CDKN2B-AS1: variants seen among roughly 807,000 people sequenced by gnomAD.
The protein encoded by CDKN2B-AS1 is CDKN2B and CDKN2A antisense cis and trans regulatory RNA 1.
intron 1 of CDKN2B-AS1, chr9:22,046,637 A>C (rs1205368091): frequency 6.6e-6 from 1 of 152,160 alleles, no homozygotes; most frequent in Non-Finnish European, 1.5e-5. Flanking sequence ...TTCATACACT[A>C]TCCAAGGTGA....
At chr9:22,095,167 C>T (rs1825230271) in intron 4 of CDKN2B-AS1, among the ~76,000 whole-genome samples, 1 of 144,780 alleles carries the variant, frequency 6.9e-6, no homozygotes, top group Non-Finnish European at 1.5e-5. Flanking sequence ...GATTGTTCCT[C>T]TGGAAGCTTC....
chr9:22,031,921 G>A (rs961242892), intron 1 of CDKN2B-AS1, among the ~76,000 whole-genome samples: 2 of 152,186 alleles, frequency 1.3e-5, no homozygotes, highest in African/African-American at 2.4e-5. Flanking sequence ...GGACCTGAGG[G>A]CAGCCTCTGG....
chr9:22,062,998 TAG>T (rs769270060), intron 4 of CDKN2B-AS1, among the ~76,000 whole-genome samples: 9,910 of 148,158 alleles, frequency 0.067, 361 homozygotes, highest in Non-Finnish European at 0.087. Context: ...TATATATATA[TAG>T]AGAGAGAGAG....
intron 4 of CDKN2B-AS1, among the ~76,000 whole-genome samples, chr9:22,073,128 C>A (rs1824363339): frequency 6.6e-6 from 1 of 152,054 alleles, no homozygotes; most frequent in African/African-American, 2.4e-5. Flanking sequence ...GAGAATAATA[C>A]TGCCTTCATA....
At chr9:22,114,007 G>A (rs1054559147) in intron 4 of CDKN2B-AS1, among the ~76,000 whole-genome samples, 6 of 152,066 alleles carry the variant, frequency 3.9e-5, no homozygotes, top group African/African-American at 1.4e-4. Context: ...ATGAAAATAC[G>A]TCGAGTCCTT....
At position 21,999,682 on chromosome 9, in the gene CDKN2B-AS1, C is replaced by T. The variant is rs1414771062; in HGVS notation, n.29+4521C>T. Among the ~76,000 whole-genome samples, 2 of 152,030 alleles carry T rather than the reference C, an allele frequency of 1.3e-5. No individual in the cohort carries two copies. The highest frequency in any genetic ancestry group is 2.9e-5 in the Non-Finnish European group (2 of 67,966). ...CTTTATAGCAGTGTGTATTAGCAAA[C>T]AAAGTGCAAGAAAGAGAAAAATGAT... On this transcript the variant is annotated intron_variant and non_coding_transcript_variant, in intron 1 of 4. Coordinates refer to ENST00000650946, the Ensembl canonical transcript of CDKN2B-AS1. The surrounding 1 kb of genome is among the most constrained non-coding windows in gnomAD (Gnocchi z 4.7).
chr9:22,053,744 G>A (rs1412886067), intron 3 of CDKN2B-AS1, among the ~76,000 whole-genome samples: 1 of 152,094 alleles, frequency 6.6e-6, no homozygotes, highest in African/African-American at 2.4e-5. Flanking sequence ...TACTACTATG[G>A]TGCATACAAA....
intron 1 of CDKN2B-AS1, among the ~76,000 whole-genome samples, chr9:22,017,789 T>C (rs1821835751): frequency 6.8e-6 from 1 of 148,060 alleles, no homozygotes; most frequent in Admixed American, 6.7e-5. Flanking sequence ...AAGTTGAAGA[T>C]AATTTAATGG....
chr9:22,085,526 C>T (rs72652414), intron 4 of CDKN2B-AS1, among the ~76,000 whole-genome samples: 11,589 of 152,108 alleles, frequency 0.076, 1,439 homozygotes, highest in African/African-American at 0.26. Flanking sequence ...CAAGACCACC[C>T]TGGCTAACAC....
At chr9:22,104,208 C>T (rs906940658) in intron 4 of CDKN2B-AS1, among the ~76,000 whole-genome samples, 8 of 152,016 alleles carry the variant, frequency 5.3e-5, no homozygotes, top group African/African-American at 9.7e-5. Flanking sequence ...ATTGCCATAT[C>T]GTGGAGGCCA....
At chr9:22,012,041 A>G in intron 1 of CDKN2B-AS1, 1 of 567,778 alleles carries the variant, frequency 1.8e-6, no homozygotes, top group South Asian at 2.1e-5. Flanking sequence ...ACTAGTAATA[A>G]TATTTTTATA....
At chr9:22,106,994 T>G (rs1825676831) in intron 4 of CDKN2B-AS1, among the ~76,000 whole-genome samples, 1 of 152,184 alleles carries the variant, frequency 6.6e-6, no homozygotes, top group South Asian at 2.1e-4. Flanking sequence ...GAAACTGTAC[T>G]AGGATAGTCT....
chr9:22,006,317 C>A lies in CDKN2B-AS1; in HGVS notation n.29+11156C>A, dbSNP rs1485551141. ...ATGGGAGATGCCGGCCGGGGCAAGG[C>A]AGGTGGAGCCATTTAAAGAAACACC... is the stretch of plus-strand genomic sequence containing the variant. On this transcript the variant is annotated intron_variant and non_coding_transcript_variant, in intron 1 of 4. Transcript: ENST00000650946. This position sits in a 1 kb window ranked among gnomAD's most constrained non-coding sequence, Gnocchi z 6.4. 1 of 1,588,668 alleles carries A rather than the reference C, an allele frequency of 6.3e-7. No homozygotes were observed.
intron 4 of CDKN2B-AS1, among the ~76,000 whole-genome samples, chr9:22,061,708 GC>G (rs1350854504): frequency 1.3e-5 from 2 of 152,028 alleles, no homozygotes; most frequent in Non-Finnish European, 2.9e-5. Flanking sequence ...ATTTGTCCCA[GC>G]CCTTACAAGG....
chr9:22,101,735 A>G (rs770846395), intron 4 of CDKN2B-AS1, among the ~76,000 whole-genome samples: 1 of 151,428 alleles, frequency 6.6e-6, no homozygotes, highest in Non-Finnish European at 1.5e-5. Context: ...CAAGAGTGCA[A>G]ATCAAACTAC....
At chr9:22,034,454 A>G (rs1331130342) in intron 1 of CDKN2B-AS1, among the ~76,000 whole-genome samples, 1 of 152,192 alleles carries the variant, frequency 6.6e-6, no homozygotes, top group Non-Finnish European at 1.5e-5. Context: ...AGCCCGAGTT[A>G]GGATTAGGGA....
chr9:22,039,291 T>C lies in CDKN2B-AS1; in HGVS notation n.30-7460T>C, dbSNP rs758851447. On this transcript the variant is annotated intron_variant and non_coding_transcript_variant, in intron 1 of 4. Transcript: ENST00000650946. This position sits in a 1 kb window ranked among gnomAD's most constrained non-coding sequence, Gnocchi z 4.4. Reference sequence around the variant, plus strand: ...GGTTTAATTTCCTGTGAGCTTCCCATGTTCTCTCCCTGCAAGGACCACCTC... The same window carrying C: ...GGTTTAATTTCCTGTGAGCTTCCCACGTTCTCTCCCTGCAAGGACCACCTC... Among the ~76,000 whole-genome samples the C allele has an allele frequency of 6.6e-6, 1 of 151,992 alleles. No homozygotes were observed. The highest frequency in any genetic ancestry group is 2.1e-4 in the South Asian group (1 of 4,836).
At chr9:22,081,181 CA>C (rs1230505943) in intron 4 of CDKN2B-AS1, among the ~76,000 whole-genome samples, 2 of 151,058 alleles carry the variant, frequency 1.3e-5, no homozygotes, top group African/African-American at 4.9e-5. Flanking sequence ...TTGTCATGTA[CA>C]TTTTGTCATA....
chr9:22,012,518 C>T, intron 1 of CDKN2B-AS1: 1 of 643,882 alleles, frequency 1.6e-6, no homozygotes, highest in Non-Finnish European at 2.9e-6. Context: ...CAACAACCTG[C>T]ACCCCAAGAA....
Sources: gnomAD v4.1 joint callset for allele counts (sites outside exome capture counted in the v4.1 genomes callset) on GRCh38, gnomAD v4.1.1 for gene constraint, Gnocchi (gnomAD v3.1) non-coding constraint, MANE v1.5 for transcripts, NCBI Gene and HGNC (gene_info 2026-07-23, HGNC 2026-07-21) for gene names.